NSUN7: variants seen among roughly 807,000 people sequenced by gnomAD.
NSUN7 encodes protein NSUN7.
NSUN7 carries 39 observed loss-of-function variants against 58.5 expected under a neutral mutation model. The ratio of observed to expected loss-of-function variants is 0.67; its 90% CI spans 0.52 to 0.87. The LOEUF is 0.87. Ranked by LOEUF, NSUN7 falls within the 40% of genes least tolerant of loss-of-function variation. The pLI, the probability that NSUN7 is intolerant of heterozygous loss-of-function variation, is 0.00. For missense variants in NSUN7, 765 were observed against 844.1 expected (o/e 0.91, Z 1.16); for synonymous variants, 278 against 303.7 (o/e 0.92, Z 0.88).
At chr4:40,792,724 C>G (rs1460096679) in intron 8 of NSUN7, among the ~76,000 whole-genome samples, 2 of 151,402 alleles carry the variant, frequency 1.3e-5, no homozygotes, top group Non-Finnish European at 2.9e-5. Context: ...TGCACTCCAG[C>G]CTGGGCGACA....
At chr4:40,787,366 TGTA>T (rs1742879308) in intron 7 of NSUN7, among the ~76,000 whole-genome samples, 1 of 150,484 alleles carries the variant, frequency 6.6e-6, no homozygotes, top group South Asian at 2.1e-4. Flanking sequence ...GATTTTAAAA[TGTA>T]AAAAAAAGAA....
At chr4:40,789,830 A>G (rs1160604846) in intron 7 of NSUN7, among the ~76,000 whole-genome samples, 4 of 152,190 alleles carry the variant, frequency 2.6e-5, no homozygotes, top group African/African-American at 9.6e-5. Context: ...GAAAGGCAGC[A>G]GGTGGGGCCA....
At chr4:40,751,049 G>T in intron 2 of NSUN7, 58 bp downstream of exon 2, 1 of 1,569,250 alleles carries the variant, frequency 6.4e-7, no homozygotes. Context: ...GAGAGAATTT[G>T]GGGAATGCAG....
chr4:40,786,240 T>C, intron 7 of NSUN7: 1 of 1,614,016 alleles, frequency 6.2e-7, no homozygotes, highest in Non-Finnish European at 8.5e-7. Context: ...TGCAGTTCAA[T>C]GAATTTGTAA....
chr4:40,774,005 T>TC (rs1742143490), intron 4 of NSUN7, among the ~76,000 whole-genome samples: 1 of 152,020 alleles, frequency 6.6e-6, no homozygotes, highest in Admixed American at 6.6e-5. Flanking sequence ...CCCAGGTTGG[T>TC]CAGGCTGGTC....
rs574716350 is a variant in NSUN7, at chr4:40,777,341, T to G, written c.1036+1082T>G. Reference sequence around the variant, plus strand: ...TTTTTCATTTTTTTAAATTTTTTTTTATTTTTCTGAGATGGAGTCTCCCTC... The same window carrying G: ...TTTTTCATTTTTTTAAATTTTTTTTGATTTTTCTGAGATGGAGTCTCCCTC... On this transcript the variant is annotated intron_variant, in intron 7 of 11. Transcript: ENST00000381782. Among the ~76,000 whole-genome samples, 180 of 152,288 alleles carry G rather than the reference T, an allele frequency of 1.2e-3. 2 individuals carry two copies. The highest frequency in any genetic ancestry group is 4.3e-3 in the African/African-American group (178 of 41,552).
chr4:40,784,095 C>T (rs1742700631), intron 7 of NSUN7, among the ~76,000 whole-genome samples: 1 of 152,064 alleles, frequency 6.6e-6, no homozygotes, highest in Non-Finnish European at 1.5e-5. Flanking sequence ...AATGAAATAC[C>T]ACTTCAAACC....
At chr4:40,752,306 G>A (rs1740874177) in intron 2 of NSUN7, among the ~76,000 whole-genome samples, 1 of 152,238 alleles carries the variant, frequency 6.6e-6, no homozygotes, top group Non-Finnish European at 1.5e-5. Context: ...GCCAGATGCG[G>A]TGGCTTACAC....
chr4:40,784,973 A>G (rs1742741575), intron 7 of NSUN7, among the ~76,000 whole-genome samples: 1 of 152,188 alleles, frequency 6.6e-6, no homozygotes, highest in African/African-American at 2.4e-5. Flanking sequence ...AACAGCAAAA[A>G]TTACTACATG....
chr4:40,751,690 G>A (rs1374936784), intron 2 of NSUN7, among the ~76,000 whole-genome samples: 1 of 152,114 alleles, frequency 6.6e-6, no homozygotes, highest in African/African-American at 2.4e-5. Flanking sequence ...TGAGACTCAA[G>A]GATGGTTAGT....
chr4:40,777,992 C>A (rs2154287841), intron 7 of NSUN7, among the ~76,000 whole-genome samples: 1 of 151,996 alleles, frequency 6.6e-6, no homozygotes. Flanking sequence ...AAACTATAAT[C>A]AAAAAAGCTA....
At chr4:40,799,077 T>TCG (rs1378946180) in intron 10 of NSUN7, among the ~76,000 whole-genome samples, 173 bp downstream of exon 10, 2 of 128,980 alleles carry the variant, frequency 1.6e-5, no homozygotes, top group African/African-American at 6.1e-5. Flanking sequence ...CTTTTTCTTT[T>TCG]TTTTTTTTTT....
chr4:40,756,645 A>T (rs1326948486), intron 2 of NSUN7, among the ~76,000 whole-genome samples: 1 of 152,202 alleles, frequency 6.6e-6, no homozygotes, highest in African/African-American at 2.4e-5. Context: ...TTGCTCTGTG[A>T]CTATGAACAC....
At chr4:40,803,487 T>C (rs1194700161) in intron 10 of NSUN7, among the ~76,000 whole-genome samples, 1 of 152,200 alleles carries the variant, frequency 6.6e-6, no homozygotes, top group Non-Finnish European at 1.5e-5. Context: ...TTCTAACTGG[T>C]GTGAGATGGT....
intron 2 of NSUN7, among the ~76,000 whole-genome samples, chr4:40,757,239 T>C (rs562280523): frequency 1.4e-4 from 22 of 151,970 alleles, no homozygotes; most frequent in Non-Finnish European, 1.9e-4. Context: ...AATAAATAAA[T>C]AAACAAATAA....
At chr4:40,804,036 C>G (rs896761560) in intron 10 of NSUN7, among the ~76,000 whole-genome samples, 48 of 152,118 alleles carry the variant, frequency 3.2e-4, no homozygotes, top group African/African-American at 1.1e-3. Flanking sequence ...AATAGAAAAC[C>G]CACTAATCAT....
At chr4:40,788,449 T>C (rs1048031777) in intron 7 of NSUN7, among the ~76,000 whole-genome samples, 5 of 151,678 alleles carry the variant, frequency 3.3e-5, no homozygotes, top group African/African-American at 1.2e-4. Flanking sequence ...CACAGAGAAG[T>C]AGGAGAAGAA....
In NSUN7 at chr4:40,751,067, C is replaced by T. The variant is rs1426515132; in HGVS notation, c.298+76C>T. The T allele has an allele frequency of 2.0e-6, 3 of 1,488,956 alleles. No individual in the cohort carries two copies. In the East Asian group the frequency reaches 6.8e-5, roughly 34 times the overall value. The allele number at this position is 1,488,956 out of a possible 1,614,324, so 92.2% of individuals were successfully genotyped here. A position where few individuals can be genotyped will look rare whatever the true frequency, so the allele number is the denominator to read the frequency against. ...AGAATTTGGGGAATGCAGCCCTCCT[C>T]CTCCCTTCCCCTCATTCACACCAGG... is the stretch of plus-strand genomic sequence containing the variant. On this transcript the variant is annotated intron_variant, in intron 2 of 11. Coordinates refer to ENST00000381782, the MANE Select transcript of NSUN7 (RefSeq NM_024677.6).
At chr4:40,782,240 C>A (rs959862266) in intron 7 of NSUN7, among the ~76,000 whole-genome samples, 1 of 151,938 alleles carries the variant, frequency 6.6e-6, no homozygotes, top group Non-Finnish European at 1.5e-5. Flanking sequence ...AAATTTAATA[C>A]AAGAAGCTCA....
Sources: allele counts gnomAD v4.1 joint callset (sites outside exome capture counted in the v4.1 genomes callset), GRCh38; gene constraint gnomAD v4.1.1; transcripts MANE v1.5; gene names NCBI Gene and HGNC (gene_info 2026-07-23, HGNC 2026-07-21).